Variants in AGBL1 observed in about 807,000 individuals in gnomAD.
The protein encoded by AGBL1 is cytosolic carboxypeptidase 4.
AGBL1 carries 130 observed loss-of-function variants against 118.9 expected under a neutral mutation model. The ratio of observed to expected loss-of-function variants is 1.09; its 90% CI spans 0.95 to 1.26. The LOEUF is 1.26. AGBL1 is among the 50% of genes most tolerant of loss of function. The probability of loss-of-function intolerance (pLI) is 0.00; values close to 1 mark genes in which losing one functional copy is unlikely to be tolerated. For missense variants in AGBL1, 1,584 were observed against 1,298.1 expected, an observed-to-expected ratio of 1.22 and a Z score of -3.38; for synonymous variants, 555 against 478.9, an observed-to-expected ratio of 1.16 and a Z score of -2.08.
At chr15:86,918,978 A>T (rs1383344222), downstream of AGBL1, among the ~76,000 whole-genome samples, 2 of 152,102 alleles carry the variant, frequency 1.3e-5, no homozygotes, top group Non-Finnish European at 2.9e-5. Flanking sequence ...GAACAATATC[A>T]TGTGTTCCCC....
chr15:86,999,562 T>A (rs1314311518), intron 24 of AGBL1, among the ~76,000 whole-genome samples: 1 of 148,806 alleles, frequency 6.7e-6, no homozygotes, highest in Non-Finnish European at 1.5e-5. Context: ...GAACTCATCA[T>A]TTTTTATGGC....
chr15:86,195,911 C>T lies in AGBL1; in HGVS notation c.489-29003C>T, dbSNP rs190856506. ...GTCTATCCAAGCTCTGCCGTGGGGGCGTCTTTCAACAACTATTCTCTTTTG... is the reference window on the plus strand; with the variant it reads ...GTCTATCCAAGCTCTGCCGTGGGGGTGTCTTTCAACAACTATTCTCTTTTG... On this transcript the variant is annotated intron_variant, in intron 5 of 22. Transcript: ENST00000614907. 3.7e-3 allele frequency among the ~76,000 whole-genome samples: 557 copies of T among 152,208 alleles called. 2 individuals are homozygous for T. The highest frequency in any genetic ancestry group is 6.4e-3 in the Non-Finnish European group (432 of 68,008).
At chr15:86,229,618 T>C (rs911729340) in intron 6 of AGBL1, among the ~76,000 whole-genome samples, 3 of 152,168 alleles carry the variant, frequency 2.0e-5, no homozygotes, top group Admixed American at 6.5e-5. Flanking sequence ...TTCCTCTTTT[T>C]CCCTCATCCT....
intron 22 of AGBL1, among the ~76,000 whole-genome samples, chr15:86,756,392 T>C (rs773618021): frequency 1.3e-5 from 2 of 151,862 alleles, no homozygotes; most frequent in African/African-American, 2.4e-5. Context: ...GTGCTGGGGA[T>C]TGGGGACTCA....
At chr15:86,643,323 A>G (rs894707832) in intron 21 of AGBL1, among the ~76,000 whole-genome samples, 17 of 152,232 alleles carry the variant, frequency 1.1e-4, no homozygotes, top group Admixed American at 1.3e-4. Flanking sequence ...TGTAATTTAT[A>G]TCTATTCCAA....
intron 23 of AGBL1, among the ~76,000 whole-genome samples, chr15:86,979,975 T>C (rs1028611787): frequency 6.6e-6 from 1 of 152,312 alleles, no homozygotes; most frequent in African/African-American, 2.4e-5. Context: ...GAGAGCAATT[T>C]CTCACTTTCT....
chr15:86,298,609 T>C (rs934656725), intron 17 of AGBL1, among the ~76,000 whole-genome samples: 4 of 151,998 alleles, frequency 2.6e-5, no homozygotes, highest in African/African-American at 9.7e-5. Flanking sequence ...CAGGCCTCCC[T>C]TCAGGTGAGA....
intron 5 of AGBL1, among the ~76,000 whole-genome samples, chr15:86,218,195 G>A (rs1011836914): frequency 1.3e-5 from 2 of 152,152 alleles, no homozygotes; most frequent in African/African-American, 2.4e-5. Flanking sequence ...CAACAGCAGA[G>A]ATCAAAAGGA....
intron 5 of AGBL1, among the ~76,000 whole-genome samples, chr15:86,202,150 A>G (rs920663163): frequency 1.3e-5 from 2 of 152,038 alleles, no homozygotes; most frequent in Non-Finnish European, 2.9e-5. Context: ...AAAATTAGCA[A>G]GGCATGGTGG....
Position 86,911,808 on chromosome 15 carries a change from C to T in AGBL1, c.*4514C>T, listed in dbSNP as rs910138253. ...CTTCTATAAAACTTGTCCTCATCAC[C>T]CAATGCCAAGTTATATATAATCTCT... On this transcript the variant is annotated 3_prime_UTR_variant, in exon 23 of 23. Transcript: ENST00000614907. 12 of 152,150 alleles carry T rather than the reference C, an allele frequency of 7.9e-5. No homozygotes were observed. The highest frequency in any genetic ancestry group is 2.9e-4 in the African/African-American group (12 of 41,424). The allele number at this position is 152,150 out of a possible 1,614,324, so 9.4% of individuals were successfully genotyped here.
chr15:86,668,528 T>C (rs2142535392), intron 21 of AGBL1, among the ~76,000 whole-genome samples: 1 of 152,318 alleles, frequency 6.6e-6, no homozygotes, highest in South Asian at 2.1e-4. Context: ...GTTTTTTTGG[T>C]ATCTTCAGAG....
At chr15:86,195,019 A>G (rs1055175088) in intron 5 of AGBL1, among the ~76,000 whole-genome samples, 2 of 152,114 alleles carry the variant, frequency 1.3e-5, no homozygotes, top group Non-Finnish European at 2.9e-5. Context: ...AGCATGAGTG[A>G]TTTACTTCTT....
intron 22 of AGBL1, among the ~76,000 whole-genome samples, chr15:86,696,735 C>T (rs113559424): frequency 6.6e-6 from 1 of 151,546 alleles, no homozygotes; most frequent in African/African-American, 2.4e-5. Flanking sequence ...TGATGTGTTT[C>T]CAGGATTTGT....
At chr15:86,537,440 C>T (rs1263482792) in intron 19 of AGBL1, among the ~76,000 whole-genome samples, 3 of 152,198 alleles carry the variant, frequency 2.0e-5, no homozygotes, top group African/African-American at 7.2e-5. Flanking sequence ...CTGCTTCTCT[C>T]CCTTCAATGT....
At chr15:86,678,581 C>G (rs527751438) in intron 22 of AGBL1, among the ~76,000 whole-genome samples, 1 of 152,106 alleles carries the variant, frequency 6.6e-6, no homozygotes, top group East Asian at 1.9e-4. Flanking sequence ...ATATTTTCCC[C>G]AAATTGTCAT....
chr15:86,840,965 C>T (rs574505923), intron 22 of AGBL1, among the ~76,000 whole-genome samples: 2 of 152,084 alleles, frequency 1.3e-5, no homozygotes, highest in East Asian at 1.9e-4. Context: ...CAGTCAAAAG[C>T]CCTATGCCAA....
intron 3 of AGBL1, among the ~76,000 whole-genome samples, chr15:86,146,108 C>G (rs919215593): frequency 8.5e-5 from 13 of 152,066 alleles, no homozygotes; most frequent in African/African-American, 3.1e-4. Context: ...TGACCTTGGG[C>G]AAAGTACTTA....
intron 22 of AGBL1, among the ~76,000 whole-genome samples, chr15:86,855,831 T>A (rs1238714299): frequency 1.3e-5 from 2 of 152,186 alleles, no homozygotes; most frequent in Non-Finnish European, 2.9e-5. Context: ...TTGCCAAGGA[T>A]TCTCTCCTCA....
At chr15:86,564,980 A>G (rs965040249) in intron 21 of AGBL1, among the ~76,000 whole-genome samples, 2 of 152,184 alleles carry the variant, frequency 1.3e-5, no homozygotes, top group Non-Finnish European at 2.9e-5. Flanking sequence ...TTTCAGCTCC[A>G]TCAGGTCCTT....
Sources: allele counts gnomAD v4.1 joint callset (sites outside exome capture counted in the v4.1 genomes callset), GRCh38; gene constraint gnomAD v4.1.1; transcripts MANE v1.5; gene names NCBI Gene and HGNC (gene_info 2026-07-23, HGNC 2026-07-21).